The following ADAMTS12 variants were observed in gnomAD, a reference collection of about 807,000 sequenced individuals.
ADAMTS12 encodes the protein ADAM metallopeptidase with thrombospondin type 1 motif 12, also known as A disintegrin and metalloproteinase with thrombospondin motifs 12.
In ADAMTS12, 118 loss-of-function variants were observed where a neutral mutation model predicts 167.8. The ratio of observed to expected loss-of-function variants is 0.70; its 90% confidence interval spans 0.61 to 0.82. The LOEUF is 0.82. Among genes scored for constraint, ADAMTS12 ranks in the 40% least tolerant of loss-of-function variants. The pLI is 0.00. For missense variants in ADAMTS12, 1,916 were observed against 1,998.8 expected, an observed-to-expected ratio of 0.96 and a Z score of 0.79; for synonymous variants, 704 against 716.9, an observed-to-expected ratio of 0.98 and a Z score of 0.29.
chr5:33,781,400 G>T (rs1458120209), intron 2 of ADAMTS12, among the ~76,000 whole-genome samples: 5 of 152,068 alleles, frequency 3.3e-5, no homozygotes, highest in Non-Finnish European at 7.4e-5. Context: ...CTTACTAAAT[G>T]CCTGTTCTGA....
At chr5:33,724,615 T>G (rs1743910715) in intron 3 of ADAMTS12, among the ~76,000 whole-genome samples, 3 of 151,306 alleles carry the variant, frequency 2.0e-5, no homozygotes, top group Admixed American at 2.0e-4. Context: ...GCAGCGGCGC[T>G]ATCTCGGCTC....
intron 17 of ADAMTS12, among the ~76,000 whole-genome samples, chr5:33,594,197 T>C (rs1191021498): frequency 6.6e-6 from 1 of 152,198 alleles, no homozygotes; most frequent in Non-Finnish European, 1.5e-5. Context: ...TGAGATTTGA[T>C]GGCTTTATTA....
chr5:33,806,759 A>G (rs1174674497), intron 2 of ADAMTS12, among the ~76,000 whole-genome samples: 1 of 152,236 alleles, frequency 6.6e-6, no homozygotes, highest in African/African-American at 2.4e-5. Context: ...TTTTAAGAAA[A>G]CGAATACTGT....
chr5:33,699,746 G>C lies in ADAMTS12; in HGVS notation c.635-15691C>G, dbSNP rs572428953. 1.2e-4 allele frequency among the ~76,000 whole-genome samples: 19 copies of C among 152,130 alleles called. No homozygotes were observed. The East Asian group carries it at 1.7e-3, about 14-fold the overall frequency. On this transcript the variant is annotated intron_variant, in intron 3 of 23. Transcript: ENST00000504830. The stretch of plus-strand genomic sequence containing the variant: ...ATCTCAAGAAAGCTTCTACTAAAAA[G>C]AAAAAGCCCATTTGAGGAGAATGAA...
chr5:33,592,637 A>G (rs1373171364), intron 17 of ADAMTS12, among the ~76,000 whole-genome samples: 1 of 152,230 alleles, frequency 6.6e-6, no homozygotes, highest in African/African-American at 2.4e-5. Flanking sequence ...AGCCATTGGC[A>G]ATGTAATATA....
rs1176551470 is a variant in ADAMTS12, at chr5:33,649,701, G to T, written c.1191-4C>A. ...CCCATCATGCTGGATGCCGAAGCTG[G>T]CAGGGAAGAACCAAGCACAAGAAGA... On this transcript the variant is annotated splice_region_variant and splice_polypyrimidine_tract_variant and intron_variant, in intron 7 of 23. Transcript: ENST00000504830. 6.2e-7 allele frequency: 1 copy of T among 1,613,524 alleles called. No homozygotes were observed. The highest frequency in any genetic ancestry group is 8.5e-7 in the Non-Finnish European group (1 of 1,179,680).
intron 9 of ADAMTS12, among the ~76,000 whole-genome samples, chr5:33,645,021 T>C (rs182913049): frequency 2.4e-4 from 36 of 152,176 alleles, no homozygotes; most frequent in African/African-American, 2.2e-4. Flanking sequence ...TAAGCCACCG[T>C]ACCCGGCCTA....
At chr5:33,569,591 T>C (rs1746204238) in intron 19 of ADAMTS12, among the ~76,000 whole-genome samples, 1 of 152,056 alleles carries the variant, frequency 6.6e-6, no homozygotes, top group Non-Finnish European at 1.5e-5. Flanking sequence ...AAAAAACCCA[T>C]CTGTACATCA....
intron 2 of ADAMTS12, among the ~76,000 whole-genome samples, chr5:33,865,525 G>T (rs567974446): frequency 6.6e-6 from 1 of 152,072 alleles, no homozygotes; most frequent in Non-Finnish European, 1.5e-5. Flanking sequence ...TGAAGGGGGG[G>T]AAGTTTAAAG....
chr5:33,669,627 A>T (rs1049053558), intron 5 of ADAMTS12, among the ~76,000 whole-genome samples: 2 of 152,150 alleles, frequency 1.3e-5, no homozygotes, highest in Non-Finnish European at 2.9e-5. Flanking sequence ...TCTTGAATAT[A>T]CGAGTTGAAG....
At chr5:33,652,599 A>C (rs941683546) in intron 7 of ADAMTS12, among the ~76,000 whole-genome samples, 5 of 151,906 alleles carry the variant, frequency 3.3e-5, no homozygotes, top group Non-Finnish European at 7.4e-5. Context: ...TCCACTGATT[A>C]TTTCTTTTGC....
intron 5 of ADAMTS12, among the ~76,000 whole-genome samples, chr5:33,674,472 C>CT (rs1240753426): frequency 6.6e-6 from 1 of 151,844 alleles, no homozygotes; most frequent in Non-Finnish European, 1.5e-5. Flanking sequence ...AGAAGATAGT[C>CT]TTTTTCCAGG....
intron 3 of ADAMTS12, among the ~76,000 whole-genome samples, chr5:33,701,117 C>T (rs1474199600): frequency 1.3e-5 from 2 of 151,628 alleles, no homozygotes; most frequent in Non-Finnish European, 2.9e-5. Context: ...CAATATAATC[C>T]CAAGTCTGGG....
At chr5:33,603,063 T>G (rs1162249073) in intron 16 of ADAMTS12, among the ~76,000 whole-genome samples, 1 of 152,294 alleles carries the variant, frequency 6.6e-6, no homozygotes, top group South Asian at 2.1e-4. Context: ...TAGGCCACTG[T>G]TGTACCTACA....
chr5:33,661,835 G>T (rs1741270082), intron 6 of ADAMTS12, 81 bp downstream of exon 6: 2 of 1,576,140 alleles, frequency 1.3e-6, no homozygotes, highest in Non-Finnish European at 1.7e-6. Flanking sequence ...GAATGTCATG[G>T]GTTTGAACAC....
chr5:33,575,795 G>C (rs1249278928), intron 19 of ADAMTS12, among the ~76,000 whole-genome samples: 2 of 152,102 alleles, frequency 1.3e-5, no homozygotes, highest in Non-Finnish European at 2.9e-5. Context: ...ACTCTCATTT[G>C]GTTGGGTCAG....
chr5:33,601,558 A>T (rs1193363835), intron 16 of ADAMTS12, among the ~76,000 whole-genome samples: 1 of 152,182 alleles, frequency 6.6e-6, no homozygotes, highest in Non-Finnish European at 1.5e-5. Flanking sequence ...ATCCAATTCA[A>T]TGAAGCCGTA....
At chr5:33,553,543 A>G (rs1745351482) in intron 20 of ADAMTS12, among the ~76,000 whole-genome samples, 1 of 152,258 alleles carries the variant, frequency 6.6e-6, no homozygotes, top group Non-Finnish European at 1.5e-5. Context: ...ATAAAAAAGA[A>G]TGAGATCATG....
At chr5:33,883,498 T>C (rs1245627104) in intron 1 of ADAMTS12, among the ~76,000 whole-genome samples, 1 of 152,126 alleles carries the variant, frequency 6.6e-6, no homozygotes, top group African/African-American at 2.4e-5. Flanking sequence ...CATTACTTCC[T>C]ACTGCAGCAG....
Sources: allele counts gnomAD v4.1 joint callset (sites outside exome capture counted in the v4.1 genomes callset), GRCh38; gene constraint gnomAD v4.1.1; transcripts MANE v1.5; gene names NCBI Gene and HGNC (gene_info 2026-07-23, HGNC 2026-07-21).